The following SCNN1G variants were observed in gnomAD, a reference collection of about 807,000 sequenced individuals.
The protein encoded by SCNN1G is sodium channel epithelial 1 subunit gamma.
SCNN1G carries 27 observed loss-of-function variants against 64.6 expected under a neutral mutation model. That is an observed-to-expected ratio of 0.42 (90% CI 0.31 to 0.58). The LOEUF (loss-of-function observed/expected upper bound fraction) is 0.58, where lower values mean the gene tolerates loss of function less well. SCNN1G is among the 20% of genes least tolerant of loss of function. SCNN1G has a pLI of 0.18. For synonymous variants in SCNN1G, 330 were observed against 314.2 expected (o/e 1.05, Z -0.53); for missense variants, 743 against 823.4 (o/e 0.90, Z 1.19).
At chr16:23,208,693 C>T (rs898099673) in intron 6 of SCNN1G, among the ~76,000 whole-genome samples, 7 of 142,820 alleles carry the variant, frequency 4.9e-5, no homozygotes, top group African/African-American at 1.6e-4. Flanking sequence ...TTCTTTTTTC[C>T]TTCCTTTCTT....
chr16:23,208,294 C>T lies in SCNN1G; in HGVS notation c.1078-1456C>T, dbSNP rs148502589. On this transcript the variant is annotated intron_variant, in intron 6 of 12. Transcript: ENST00000300061. Reference sequence around the variant, plus strand: ...CCCGGGAGGTAGAGGCTGTAGTGACCCTTGATTGTGCCACTGCACTCCACC... The same window carrying T: ...CCCGGGAGGTAGAGGCTGTAGTGACTCTTGATTGTGCCACTGCACTCCACC... Among the ~76,000 whole-genome samples, 928 of 152,072 alleles carry T rather than the reference C, an allele frequency of 6.1e-3. 9 individuals carry two copies. Among genetic ancestry groups the T allele is most frequent in the Admixed American group, 0.013 (203 of 15,272 alleles).
intron 7 of SCNN1G, among the ~76,000 whole-genome samples, 176 bp from the exon 8 acceptor site, chr16:23,211,858 C>G (rs565574715): frequency 5.3e-5 from 8 of 152,136 alleles, no homozygotes; most frequent in African/African-American, 1.4e-4. Flanking sequence ...ATACATCTTC[C>G]AGGTTGGGCC....
chr16:23,191,298 CT>C (rs1454231836), intron 3 of SCNN1G, among the ~76,000 whole-genome samples: 1 of 152,162 alleles, frequency 6.6e-6, no homozygotes, highest in Non-Finnish European at 1.5e-5. Context: ...ATTGTGTGAC[CT>C]TGTAGCTATA....
chr16:23,212,967 T>C (rs1960104351), intron 10 of SCNN1G, 73 bp downstream of exon 10: 17 of 1,547,666 alleles, frequency 1.1e-5, no homozygotes, highest in Non-Finnish European at 1.5e-5. Context: ...TGCTGTGTCC[T>C]CTGGCCTGGG....
chr16:23,202,216 A>T (rs1387599607), intron 6 of SCNN1G, among the ~76,000 whole-genome samples: 2 of 137,264 alleles, frequency 1.5e-5, no homozygotes, highest in Non-Finnish European at 3.1e-5. Flanking sequence ...AACATAACAG[A>T]TCCTCAGTAA....
intron 4 of SCNN1G, among the ~76,000 whole-genome samples, chr16:23,193,401 C>T (rs1896669443): frequency 6.6e-6 from 1 of 152,124 alleles, no homozygotes; most frequent in African/African-American, 2.4e-5. Context: ...AATGCCAGCA[C>T]TTTGGGAGGC....
Position 23,192,455 on chromosome 16 carries a change from T to G in SCNN1G, c.722T>G (p.Val241Gly). 6.2e-7 allele frequency: 1 copy of G among 1,613,896 alleles called. No homozygotes were observed. Among genetic ancestry groups the G allele is most frequent in the South Asian group, 1.1e-5 (1 of 91,064 alleles). ...CACTACATGAACATCATGGCACAGG[T>G]GCCTCTGGAGAAGAAAATCAACATG... The part of the protein sequence containing the change: ...KLHYMNIMAQ[V>G]PLEKKINMSY... The change falls in exon 4 of 13, where the codon GTG becomes GGG. Residue 241 changes from valine to glycine, a missense_variant. Physicochemically the swap from Val to Gly is moderately radical, Grantham distance 109 (BLOSUM62 -3). Coordinates refer to ENST00000300061, the MANE Select transcript of SCNN1G (RefSeq NM_001039.4).
At chr16:23,184,270 G>A (rs1487964765) in intron 1 of SCNN1G, among the ~76,000 whole-genome samples, 1 of 152,132 alleles carries the variant, frequency 6.6e-6, no homozygotes, top group African/African-American at 2.4e-5. Context: ...ATGGGGCAGA[G>A]GTACCCCTGA....
intron 5 of SCNN1G, chr16:23,195,941 C>CT (rs1959788663): frequency 6.6e-6 from 1 of 152,206 alleles, no homozygotes; most frequent in Non-Finnish European, 1.5e-5. Context: ...TGGAGTTTCT[C>CT]CTGTTTGCCA....
intron 6 of SCNN1G, among the ~76,000 whole-genome samples, chr16:23,201,926 C>T (rs1433748420): frequency 1.3e-5 from 2 of 152,194 alleles, no homozygotes; most frequent in African/African-American, 2.4e-5. Context: ...ATGGGATTCT[C>T]CTGCCTCAGC....
At chr16:23,213,234 T>A (rs1960109547) in intron 11 of SCNN1G, 71 bp downstream of exon 11, 5 of 1,056,328 alleles carry the variant, frequency 4.7e-6, no homozygotes, top group Non-Finnish European at 7.4e-6. Flanking sequence ...TGCTTCTGTA[T>A]GTGTATGGCC....
At chr16:23,186,664 C>A in intron 2 of SCNN1G, 76 bp downstream of exon 2, 1 of 1,282,946 alleles carries the variant, frequency 7.8e-7, no homozygotes, top group Non-Finnish European at 1.1e-6. Context: ...CCGAAAGTGA[C>A]ACACTGGCAG....
chr16:23,192,657 T>C, intron 4 of SCNN1G, 115 bp downstream of exon 4: 1 of 821,880 alleles, frequency 1.2e-6, no homozygotes, highest in Non-Finnish European at 2.0e-6. Flanking sequence ...GGTGCTCTTC[T>C]CACTGATGCT....
In SCNN1G at chr16:23,186,537, T is replaced by A; in HGVS notation, c.266T>A (p.Phe89Tyr). 1 of 1,613,794 alleles carries A rather than the reference T, an allele frequency of 6.2e-7. No homozygotes were observed. Among genetic ancestry groups the A allele is most frequent in the Non-Finnish European group, 8.5e-7 (1 of 1,180,034 alleles). Reference sequence around the variant, plus strand: ...GTCTCAGTTTCCATCAAAGTCCACTTCCGGAAGCTGGATTTTCCTGCAGTC... The same window carrying A: ...GTCTCAGTTTCCATCAAAGTCCACTACCGGAAGCTGGATTTTCCTGCAGTC... ...YTVSVSIKVH[F>Y]RKLDFPAVTI... The change falls in exon 2 of 13, where the codon TTC (phenylalanine) becomes TAC (tyrosine). Residue 89 changes from phenylalanine to tyrosine, a missense_variant. Phe to Tyr is a conservative substitution (Grantham distance 22). Transcript: ENST00000300061.
chr16:23,208,687 T>C (rs1960031853), intron 6 of SCNN1G, among the ~76,000 whole-genome samples: 1 of 149,590 alleles, frequency 6.7e-6, no homozygotes, highest in Non-Finnish European at 1.5e-5. Flanking sequence ...TTTCTTTTCT[T>C]TTTTCCTTCC....
intron 1 of SCNN1G, among the ~76,000 whole-genome samples, chr16:23,185,219 A>G (rs1039206140): frequency 4.6e-5 from 7 of 152,246 alleles, no homozygotes; most frequent in Non-Finnish European, 7.3e-5. Context: ...TAATAATAGC[A>G]TGCCTACTTC....
intron 10 of SCNN1G, 78 bp downstream of exon 10, chr16:23,212,972 C>T: frequency 6.5e-7 from 1 of 1,540,654 alleles, no homozygotes; most frequent in Non-Finnish European, 9.0e-7. Flanking sequence ...TGTCCTCTGG[C>T]CTGGGACATG....
intron 8 of SCNN1G, 57 bp downstream of exon 8, chr16:23,212,208 T>C: frequency 8.7e-7 from 1 of 1,143,136 alleles, no homozygotes; most frequent in East Asian, 2.3e-5. Context: ...AGCCTAGTCC[T>C]GGCAATAGGC....
chr16:23,212,225 G>A, intron 8 of SCNN1G, 74 bp downstream of exon 8: 1 of 933,056 alleles, frequency 1.1e-6, no homozygotes, highest in Non-Finnish European at 1.8e-6. Flanking sequence ...AGGCACTCCT[G>A]GGACTCCACC....
Sources: gnomAD v4.1 joint callset for allele counts (sites outside exome capture counted in the v4.1 genomes callset) on GRCh38, gnomAD v4.1.1 for gene constraint, MANE v1.5 for transcripts, NCBI Gene and HGNC (gene_info 2026-07-23, HGNC 2026-07-21) for gene names.